The following FSIP2 variants were observed in gnomAD, a reference collection of about 807,000 sequenced individuals.
FSIP2 encodes the protein fibrous sheath-interacting protein 2.
In FSIP2, 367 loss-of-function variants were observed where a neutral mutation model predicts 510.5. The observed-to-expected ratio is 0.72, with a 90% confidence interval of 0.66 to 0.78. The LOEUF is 0.78. FSIP2 is among the 30% of genes least tolerant of loss of function. The pLI is 0.00. For missense variants in FSIP2, 7,594 were observed against 7,901.7 expected, an observed-to-expected ratio of 0.96 and a Z score of 1.48; for synonymous variants, 2,601 against 2,732.2, an observed-to-expected ratio of 0.95 and a Z score of 1.50.
rs1229311599 is a variant in FSIP2, at chr2:185,796,434, G to A, written c.9298G>A (p.Glu3100Lys). Reference sequence around the variant, plus strand: ...TGTAATTAAGAACAAGCTAGACAACGAAATAAGCCAAATGGAACCATCTTC... The same window carrying A: ...TGTAATTAAGAACAAGCTAGACAACAAAATAAGCCAAATGGAACCATCTTC... The part of the protein sequence containing the change: ...LAVIKNKLDN[E>K]ISQMEPSSIS... Residue 3100 changes from glutamate (E) to lysine (K), a missense_variant, in exon 16 of 23, where the codon GAA (glutamate) becomes AAA (lysine). Transcript: ENST00000424728. 9.8e-6 allele frequency: 15 copies of A among 1,534,618 alleles called. No individual in the cohort carries two copies. Among genetic ancestry groups the A allele is most frequent in the East Asian group, 2.4e-5 (1 of 40,820 alleles).
chr2:185,797,442 G>A lies in FSIP2; in HGVS notation c.10306G>A (p.Glu3436Lys), dbSNP rs958593725. The A allele has an allele frequency of 6.5e-7, 1 of 1,531,662 alleles. No individual in the cohort carries two copies. The highest frequency in any genetic ancestry group is 1.2e-5 in the South Asian group (1 of 83,056). 94.9% of individuals were successfully genotyped at this position (1,531,662 alleles called of 1,614,324 possible). The change falls in exon 16 of 23, where the codon GAA (glutamate) becomes AAA (lysine). Residue 3436 changes from glutamate to lysine, a missense_variant. Transcript: ENST00000424728. The part of the protein sequence containing the change: ...EVEAFTFADH[E>K]MGSNEVHLIA... Reference sequence around the variant, plus strand: ...TGAAGCCTTTACTTTTGCTGATCATGAAATGGGTTCCAATGAAGTTCATCT... The same window carrying A: ...TGAAGCCTTTACTTTTGCTGATCATAAAATGGGTTCCAATGAAGTTCATCT...
chr2:185,829,707 A>G (rs747307823), intron 21 of FSIP2, among the ~76,000 whole-genome samples: 6 of 151,944 alleles, frequency 3.9e-5, no homozygotes, highest in Non-Finnish European at 5.9e-5. Context: ...GGTCCTCAGT[A>G]GACTGAGGAT....
At chr2:185,754,049 C>G (rs1001672260) in intron 8 of FSIP2, among the ~76,000 whole-genome samples, 4 of 151,358 alleles carry the variant, frequency 2.6e-5, no homozygotes, top group African/African-American at 9.7e-5. Context: ...TCAATTGGCT[C>G]AGGAGACAGT....
intron 16 of FSIP2, 54 bp from the exon 17 acceptor site, chr2:185,799,643 A>G (rs192439412): frequency 2.3e-6 from 2 of 870,376 alleles, no homozygotes; most frequent in Non-Finnish European, 1.6e-6. Flanking sequence ...AATATATTGA[A>G]TTTTCTATAT....
Position 185,802,123 on chromosome 2 carries a change from A to T in FSIP2, c.12817A>T (p.Thr4273Ser). Reference protein sequence around the residue: ...LSGEVLCHPRTPLDPVSTIVT... With the variant: ...LSGEVLCHPRSPLDPVSTIVT... ...TGGAGAGGTTTTATGTCATCCAAGGACTCCACTGGATCCAGTGTCTACTAT... is the reference window on the plus strand; with the variant it reads ...TGGAGAGGTTTTATGTCATCCAAGGTCTCCACTGGATCCAGTGTCTACTAT... Residue 4273 changes from threonine to serine, a missense_variant, in exon 17 of 23, where the codon ACT becomes TCT. Thr to Ser is a moderately conservative substitution (Grantham distance 58, BLOSUM62 1). Transcript: ENST00000424728. 6.5e-7 allele frequency: 1 copy of T among 1,532,666 alleles called. No individual in the cohort carries two copies. Among genetic ancestry groups the T allele is most frequent in the Admixed American group, 2.0e-5 (1 of 50,796 alleles). 94.9% of individuals were successfully genotyped at this position (1,532,666 alleles called of 1,614,324 possible).
chr2:185,792,054 T>G lies in FSIP2; in HGVS notation c.4918T>G (p.Tyr1640Asp). The G allele has an allele frequency of 6.5e-7, 1 of 1,533,938 alleles. No homozygotes were observed. Among genetic ancestry groups the G allele is most frequent in the Non-Finnish European group, 8.7e-7 (1 of 1,145,276 alleles). ...TGAAGCATCATTTCTGTCTGCTTTA[T>G]ATATGCATGCAAAGAAGGTATCAAG... The part of the protein sequence containing the change: ...THEASFLSAL[Y>D]MHAKKVSSAI... The change falls in exon 16 of 23, where the codon TAT (tyrosine) becomes GAT (aspartate). Residue 1640 changes from tyrosine to aspartate, a missense_variant. Coordinates refer to ENST00000424728, the MANE Select transcript of FSIP2 (RefSeq NM_173651.4).
Position 185,802,861 on chromosome 2 carries a change from C to A in FSIP2, c.13555C>A (p.Gln4519Lys). The A allele has an allele frequency of 6.7e-7, 1 of 1,502,678 alleles. No individual in the cohort carries two copies. The highest frequency in any genetic ancestry group is 1.3e-5 in the South Asian group (1 of 77,786). 93.1% of individuals were successfully genotyped at this position (1,502,678 alleles called of 1,614,324 possible). Residue 4519 changes from glutamine (Q) to lysine (K), a missense_variant, in exon 17 of 23, where the codon CAA becomes AAA. Transcript: ENST00000424728. ...LVSDIRMKVS[Q>K]HEIRFSKEEE... ...TAGTGATATTAGGATGAAAGTTTCCCAACATGAAATTCGATTTTCAAAAGA... is the reference window on the plus strand; with the variant it reads ...TAGTGATATTAGGATGAAAGTTTCCAAACATGAAATTCGATTTTCAAAAGA...
intron 15 of FSIP2, among the ~76,000 whole-genome samples, chr2:185,787,548 G>C (rs532834650): frequency 6.6e-6 from 1 of 151,732 alleles, no homozygotes; most frequent in African/African-American, 2.4e-5. Context: ...AATTACTTGT[G>C]TTTACAAGCT....
rs755856468 is a variant in FSIP2 at position 185,807,107 on chromosome 2, T to C, written c.17801T>C (p.Ile5934Thr). 6.3e-7 allele frequency: 1 copy of C among 1,598,818 alleles called. No individual in the cohort carries two copies. Among genetic ancestry groups the C allele is most frequent in the East Asian group, 2.2e-5 (1 of 44,762 alleles). ...ILNDYGSQDSIWKNINSNGEN... is the reference protein window; with the variant it reads ...ILNDYGSQDSTWKNINSNGEN... ...AATGACTATGGATCTCAAGACTCTA[T>C]TTGGAAGAATATAAACAGTAATGGA... is the stretch of plus-strand genomic sequence containing the variant. Residue 5934 changes from isoleucine to threonine, a missense_variant, in exon 17 of 23, where the codon ATT becomes ACT. Transcript: ENST00000424728.
At chr2:185,760,785 G>A (rs1384118205) in intron 9 of FSIP2, among the ~76,000 whole-genome samples, 1 of 150,334 alleles carries the variant, frequency 6.7e-6, no homozygotes, top group Non-Finnish European at 1.5e-5. Context: ...ACAGAGAGAT[G>A]GATAAATCAC....
intron 15 of FSIP2, chr2:185,787,885 A>C (rs1049832760): frequency 6.6e-6 from 1 of 151,478 alleles, no homozygotes; most frequent in Admixed American, 6.6e-5. Context: ...TTGTTACCTT[A>C]CTTTAGTATC....
At chr2:185,775,625 A>AAC (rs1692700499) in intron 13 of FSIP2, among the ~76,000 whole-genome samples, 1 of 151,984 alleles carries the variant, frequency 6.6e-6, no homozygotes, top group Admixed American at 6.6e-5. Flanking sequence ...ACCATCTGTT[A>AAC]ACTCTATCTT....
At position 185,764,518 on chromosome 2, in the gene FSIP2, A is replaced by G; in HGVS notation, c.1364A>G (p.Asp455Gly). The change falls in exon 13 of 23, where the codon GAT (aspartate) becomes GGT (glycine). Residue 455 changes from aspartate to glycine, a missense_variant. Coordinates refer to ENST00000424728, the MANE Select transcript of FSIP2 (RefSeq NM_173651.4). ...PSKEEKETNA[D>G]WDGRPTKRSS... ...ATTATGTAGAAGGAGACAAATGCTGATTGGGATGGAAGACCAACCAAGAGA... is the reference window on the plus strand; with the variant it reads ...ATTATGTAGAAGGAGACAAATGCTGGTTGGGATGGAAGACCAACCAAGAGA... 1 of 1,531,524 alleles carries G rather than the reference A, an allele frequency of 6.5e-7. No homozygotes were observed. Among genetic ancestry groups the G allele is most frequent in the Non-Finnish European group, 8.7e-7 (1 of 1,143,752 alleles). 94.9% of individuals were successfully genotyped at this position (1,531,524 alleles called of 1,614,324 possible). A position where few individuals can be genotyped will look rare whatever the true frequency, so the allele number is the denominator to read the frequency against.
chr2:185,747,510 G>A (rs1322635723), intron 7 of FSIP2, 87 bp downstream of exon 7: 3 of 679,178 alleles, frequency 4.4e-6, no homozygotes, highest in Non-Finnish European at 7.6e-6. Context: ...TTTGTGAGAT[G>A]ACTGTTGCCC....
intron 19 of FSIP2, among the ~76,000 whole-genome samples, chr2:185,821,230 G>T (rs530910611): frequency 1.3e-5 from 2 of 151,860 alleles, no homozygotes; most frequent in South Asian, 4.1e-4. Context: ...GAAATACACA[G>T]CTTGTCAAGA....
chr2:185,827,484 G>T (rs1368847476), intron 20 of FSIP2, among the ~76,000 whole-genome samples: 1 of 151,884 alleles, frequency 6.6e-6, no homozygotes, highest in East Asian at 1.9e-4. Flanking sequence ...AAGCTAAGAT[G>T]TAAATACAGG....
At chr2:185,814,815 T>G (rs559592178) in intron 18 of FSIP2, among the ~76,000 whole-genome samples, 1 of 152,222 alleles carries the variant, frequency 6.6e-6, no homozygotes, top group Admixed American at 6.5e-5. Context: ...CATAACATGT[T>G]TTTGGAGAAT....
intron 7 of FSIP2, among the ~76,000 whole-genome samples, chr2:185,750,329 C>G (rs932465959): frequency 6.6e-6 from 1 of 151,528 alleles, no homozygotes; most frequent in African/African-American, 2.4e-5. Flanking sequence ...CTATTCAAAA[C>G]ATTCTTTTTA....
chr2:185,831,615 T>C (rs1319167956), intron 21 of FSIP2, among the ~76,000 whole-genome samples, 198 bp from the exon 22 acceptor site: 2 of 151,910 alleles, frequency 1.3e-5, no homozygotes, highest in African/African-American at 4.8e-5. Flanking sequence ...AGGGTCAATC[T>C]TAGGCATCTT....
Sources: allele counts gnomAD v4.1 joint callset (sites outside exome capture counted in the v4.1 genomes callset), GRCh38; gene constraint gnomAD v4.1.1; transcripts MANE v1.5; gene names NCBI Gene and HGNC (gene_info 2026-07-23, HGNC 2026-07-21).